The following SCAPER variants were observed in gnomAD, a reference collection of about 807,000 sequenced individuals.
SCAPER encodes S phase cyclin A-associated protein in the endoplasmic reticulum.
In SCAPER, 98 loss-of-function variants were observed where a neutral mutation model predicts 182.2. The ratio of observed to expected loss-of-function variants is 0.54; its 90% CI spans 0.46 to 0.64. The LOEUF is 0.64. Among genes scored for constraint, SCAPER ranks in the 30% least tolerant of loss-of-function variants. The pLI, the probability that SCAPER is intolerant of heterozygous loss-of-function variation, is 0.00. For missense variants in SCAPER, 1,432 were observed against 1,690.0 expected (o/e 0.85, Z 2.68); for synonymous variants, 605 against 564.6 (o/e 1.07, Z -1.01).
At chr15:76,504,727 T>C in intron 24 of SCAPER, 132 bp downstream of exon 24, 1 of 654,018 alleles carries the variant, frequency 1.5e-6, no homozygotes, top group Non-Finnish European at 2.5e-6. Flanking sequence ...TTCTCCCTAA[T>C]GGGGAGTGTA....
At chr15:76,847,154 C>T (rs908546809) in intron 4 of SCAPER, among the ~76,000 whole-genome samples, 11 of 151,990 alleles carry the variant, frequency 7.2e-5, no homozygotes, top group Non-Finnish European at 1.5e-4. Flanking sequence ...ATATCAATTG[C>T]ACTCAGAGAA....
At chr15:76,365,173 G>A (rs2041722187) in intron 29 of SCAPER, among the ~76,000 whole-genome samples, 1 of 152,168 alleles carries the variant, frequency 6.6e-6, no homozygotes, top group South Asian at 2.1e-4. Context: ...ACTGCCCCTG[G>A]CTGTGGATGT....
At chr15:76,526,316 T>C (rs368890583) in intron 23 of SCAPER, among the ~76,000 whole-genome samples, 2 of 152,370 alleles carry the variant, frequency 1.3e-5, no homozygotes, top group East Asian at 1.9e-4. Context: ...TATTGGTTTT[T>C]GGCAGCTCTT....
intron 1 of SCAPER, among the ~76,000 whole-genome samples, chr15:76,902,762 T>A (rs903711097): frequency 6.6e-6 from 1 of 152,048 alleles, no homozygotes; most frequent in Non-Finnish European, 1.5e-5. Context: ...TGGTCAGGTA[T>A]GAAAGTGAAA....
At chr15:76,457,971 C>T (rs62028422) in intron 25 of SCAPER, among the ~76,000 whole-genome samples, 12,141 of 151,480 alleles carry the variant, frequency 0.08, 559 homozygotes, top group African/African-American at 0.11. Context: ...AACAAATTCT[C>T]GGAGGTGTAT....
At chr15:76,498,002 A>T (rs948821840) in intron 24 of SCAPER, among the ~76,000 whole-genome samples, 55 of 116,998 alleles carry the variant, frequency 4.7e-4, no homozygotes, top group Middle Eastern at 3.8e-3. Flanking sequence ...AAAAAAAAAA[A>T]AAAAAAAAAA....
At chr15:76,489,063 G>T (rs2052004916) in intron 24 of SCAPER, among the ~76,000 whole-genome samples, 1 of 150,274 alleles carries the variant, frequency 6.7e-6, no homozygotes. Context: ...TGTTGGATAT[G>T]AAGTTCTTGG....
At chr15:76,648,561 G>A (rs1302144172) in intron 21 of SCAPER, among the ~76,000 whole-genome samples, 1 of 152,148 alleles carries the variant, frequency 6.6e-6, no homozygotes, top group Non-Finnish European at 1.5e-5. Context: ...TAAACACAAA[G>A]GAAACCATAA....
chr15:76,675,301 T>C (rs2057302489), intron 20 of SCAPER, among the ~76,000 whole-genome samples: 1 of 152,220 alleles, frequency 6.6e-6, no homozygotes, highest in Admixed American at 6.5e-5. Flanking sequence ...AGACCTGAAC[T>C]TAAAACGAAA....
chr15:76,837,414 G>C (rs2069054122), intron 5 of SCAPER, among the ~76,000 whole-genome samples: 1 of 152,198 alleles, frequency 6.6e-6, no homozygotes, highest in Admixed American at 6.5e-5. Context: ...CATGGTGGAA[G>C]GGGAAGTAAA....
chr15:76,819,259 T>C (rs1252697835), intron 5 of SCAPER, among the ~76,000 whole-genome samples: 1 of 152,186 alleles, frequency 6.6e-6, no homozygotes, highest in African/African-American at 2.4e-5. Flanking sequence ...AGCATGCAGC[T>C]TGAGATCTGA....
At chr15:76,555,078 G>A (rs748881541) in intron 23 of SCAPER, among the ~76,000 whole-genome samples, 3 of 152,166 alleles carry the variant, frequency 2.0e-5, no homozygotes, top group Non-Finnish European at 4.4e-5. Flanking sequence ...ACTGCACCCA[G>A]CCATATATTC....
In SCAPER at chr15:76,511,466, T is replaced by C. The variant is rs191936844; in HGVS notation, c.2839-6492A>G. On this transcript the variant is annotated intron_variant, in intron 23 of 31. Transcript: ENST00000563290. Reference sequence around the variant, plus strand: ...TAAAGAGTAAATGTCATTACATCACTCTTTGCTTAAAACACTCCAGGGACA... The same window carrying C: ...TAAAGAGTAAATGTCATTACATCACCCTTTGCTTAAAACACTCCAGGGACA... Among the ~76,000 whole-genome samples the C allele has an allele frequency of 9.9e-5, 15 of 152,246 alleles. No individual in the cohort carries two copies. The East Asian group carries it at 2.9e-3, about 29-fold the overall frequency.
At chr15:76,645,544 G>A (rs1008967031) in intron 21 of SCAPER, among the ~76,000 whole-genome samples, 1 of 146,422 alleles carries the variant, frequency 6.8e-6, no homozygotes, top group Non-Finnish European at 1.5e-5. Flanking sequence ...TTTTTGGTTT[G>A]TATGTATTTA....
rs147004035 is a variant in SCAPER, at chr15:76,718,716, T to C, written c.2165+9879A>G. On this transcript the variant is annotated intron_variant, in intron 17 of 31. Coordinates refer to ENST00000563290, the MANE Select transcript of SCAPER (RefSeq NM_020843.4). ...AAAAAAACCTCATACAACTCAATAG[T>C]AGAAAAACAAACTGATTTTAAAATG... Among the ~76,000 whole-genome samples, 301 of 151,576 alleles carry C rather than the reference T, an allele frequency of 2.0e-3. 1 individual carries two copies. The highest frequency in any genetic ancestry group is 7.1e-3 in the African/African-American group (293 of 41,368).
rs1487512383 is a variant in SCAPER at position 76,726,152 on chromosome 15, TATAA to T, written c.2165+2439_2165+2442del. 3.2e-3 allele frequency among the ~76,000 whole-genome samples: 416 copies of T among 131,328 alleles called. 35 individuals are homozygous for T. The highest frequency in any genetic ancestry group is 4.0e-3 in the Middle Eastern group (1 of 248). The allele number at this position is 131,328 out of a possible 152,430, so 86.2% of individuals were successfully genotyped here. On this transcript the variant is annotated intron_variant, in intron 17 of 31. Coordinates refer to ENST00000563290, the MANE Select transcript of SCAPER (RefSeq NM_020843.4). ...ATATATATATATATATATATATATA[TATAA>T]AAAACTCTATAACCCAACAAGAAAA...
At chr15:76,826,640 G>A (rs951945786) in intron 5 of SCAPER, among the ~76,000 whole-genome samples, 2 of 150,568 alleles carry the variant, frequency 1.3e-5, no homozygotes, top group African/African-American at 2.4e-5. Context: ...ATAGAAGGAG[G>A]AGCATGGATG....
chr15:76,482,630 G>T (rs78755634), intron 24 of SCAPER, among the ~76,000 whole-genome samples: 10,336 of 152,130 alleles, frequency 0.068, 395 homozygotes, highest in Middle Eastern at 0.11. Context: ...AAGCCTCCTC[G>T]AATGAATAAG....
At chr15:76,720,889 G>C (rs1357617254) in intron 17 of SCAPER, among the ~76,000 whole-genome samples, 4 of 152,158 alleles carry the variant, frequency 2.6e-5, no homozygotes, top group Admixed American at 2.6e-4. Context: ...TGTTCACTCT[G>C]ATGGTGGTTT....
Sources: gnomAD v4.1 joint callset for allele counts (sites outside exome capture counted in the v4.1 genomes callset) on GRCh38, gnomAD v4.1.1 for gene constraint, MANE v1.5 for transcripts, NCBI Gene and HGNC (gene_info 2026-07-23, HGNC 2026-07-21) for gene names.